Variants in ZNF184 observed in about 807,000 individuals in gnomAD.
ZNF184 encodes the protein zinc finger protein 184.
Under a neutral mutation model 54.4 loss-of-function variants are expected in ZNF184, and 16 were observed. That is an observed-to-expected ratio of 0.29 (90% confidence interval 0.20 to 0.45). ZNF184 has a LOEUF of 0.45. Ranked by LOEUF, ZNF184 falls within the 20% of genes least tolerant of loss-of-function variation. ZNF184 has a pLI of 1.00. For missense variants in ZNF184, 681 were observed against 888.2 expected (o/e 0.77, Z 2.97); for synonymous variants, 254 against 295.3 (o/e 0.86, Z 1.43).
the ZNF184 span, among the ~76,000 whole-genome samples, chr6:27,438,100 A>T: frequency 1.3e-5 from 2 of 152,146 alleles, no homozygotes; most frequent in African/African-American, 4.8e-5. Flanking sequence ...CTTTGCTTGA[A>T]TAGTTTCATC....
At chr6:27,409,175 G>C in the ZNF184 span, among the ~76,000 whole-genome samples, 6 of 152,166 alleles carry the variant, frequency 3.9e-5, no homozygotes, top group African/African-American at 1.4e-4. Context: ...AAGATAGATA[G>C]AGACTTATTT....
In ZNF184 at chr6:27,456,995, T is replaced by C. The variant is rs1025587834; in HGVS notation, c.203-74A>G. 1.0e-5 allele frequency: 14 copies of C among 1,366,436 alleles called. No homozygotes were observed. In the East Asian group the frequency reaches 1.8e-4, roughly 18 times the overall value. 84.6% of individuals were successfully genotyped at this position (1,366,436 alleles called of 1,614,324 possible). ...CCATATCAGAATTCAATCACCACTTTGTCTTTAGAAGAAATGATATGTAGT... is the reference window on the plus strand; with the variant it reads ...CCATATCAGAATTCAATCACCACTTCGTCTTTAGAAGAAATGATATGTAGT... On this transcript the variant is annotated intron_variant, in intron 4 of 5. Coordinates refer to ENST00000683788, the MANE Select transcript of ZNF184 (RefSeq NM_001318891.2).
At chr6:27,404,184 G>T in the ZNF184 span, 6 of 152,112 alleles carry the variant, frequency 3.9e-5, no homozygotes, top group African/African-American at 1.2e-4. Context: ...TACAAACTGA[G>T]CATTCTGGCA....
the ZNF184 span, among the ~76,000 whole-genome samples, chr6:27,413,239 A>G: frequency 1.3e-5 from 2 of 152,264 alleles, no homozygotes; most frequent in Admixed American, 1.3e-4. Context: ...AGCCTGGGCA[A>G]CAAGAGTGAA....
chr6:27,422,055 C>T, the ZNF184 span, among the ~76,000 whole-genome samples: 1 of 150,546 alleles, frequency 6.6e-6, no homozygotes, highest in Non-Finnish European at 1.5e-5. Context: ...GTGGGAGGAT[C>T]GCTTGAGCCT....
At chr6:27,427,335 C>T in the ZNF184 span, among the ~76,000 whole-genome samples, 1 of 152,088 alleles carries the variant, frequency 6.6e-6, no homozygotes, top group Non-Finnish European at 1.5e-5. Flanking sequence ...CTTAACTTTT[C>T]TGAGAACTGC....
At chr6:27,411,765 C>T in the ZNF184 span, among the ~76,000 whole-genome samples, 1 of 152,224 alleles carries the variant, frequency 6.6e-6, no homozygotes, top group African/African-American at 2.4e-5. Flanking sequence ...AAAATAATCT[C>T]CTGTTTTACA....
At chr6:27,466,083 G>A (rs184875291) in intron 3 of ZNF184, among the ~76,000 whole-genome samples, 1 of 152,212 alleles carries the variant, frequency 6.6e-6, no homozygotes, top group East Asian at 1.9e-4. Flanking sequence ...CTTTATAAGA[G>A]GGAGGTAAGC....
intron 3 of ZNF184, among the ~76,000 whole-genome samples, chr6:27,458,055 T>A (rs7761989): frequency 0.6 from 90,955 of 150,746 alleles, 27,489 homozygotes; most frequent in Middle Eastern, 0.76. Context: ...GAAAAAAAAA[T>A]TAAGGTGAGA....
chr6:27,472,395 C>G lies in ZNF184; in HGVS notation c.-101G>C. 6.6e-7 allele frequency: 1 copy of G among 1,504,140 alleles called. No homozygotes were observed. Among genetic ancestry groups the G allele is most frequent in the South Asian group, 1.2e-5 (1 of 86,374 alleles). 93.2% of individuals were successfully genotyped at this position (1,504,140 alleles called of 1,614,324 possible). A position where few individuals can be genotyped will look rare whatever the true frequency, so the allele number is the denominator to read the frequency against. On this transcript the variant is annotated 5_prime_UTR_variant, in exon 2 of 6. Coordinates refer to ENST00000683788, the MANE Select transcript of ZNF184 (RefSeq NM_001318891.2). The surrounding 1 kb of genome is among the most constrained non-coding windows in gnomAD (Gnocchi z 4.8). The stretch of plus-strand genomic sequence containing the variant: ...GGTCTAGGACTCAGATGTCTAACTC[C>G]CCTTGCAGGGAATCTGCAACACGCT...
At chr6:27,409,456 A>G in the ZNF184 span, among the ~76,000 whole-genome samples, 12,918 of 143,856 alleles carry the variant, frequency 0.09, 716 homozygotes, top group African/African-American at 0.15. Context: ...CCGAGATCGC[A>G]CCACTGCACT....
chr6:27,426,578 C>G, the ZNF184 span, among the ~76,000 whole-genome samples: 2 of 152,196 alleles, frequency 1.3e-5, no homozygotes, highest in Non-Finnish European at 2.9e-5. The surrounding 1 kb of genome is among the most constrained non-coding windows in gnomAD (Gnocchi z 4.2). Flanking sequence ...CCCTCAAACT[C>G]TACAATTTTC....
At chr6:27,415,475 G>T in the ZNF184 span, among the ~76,000 whole-genome samples, 1 of 152,160 alleles carries the variant, frequency 6.6e-6, no homozygotes. Context: ...AGTGTTCTAA[G>T]GACATGAGTT....
intron 5 of ZNF184, among the ~76,000 whole-genome samples, chr6:27,456,175 T>A (rs1480198163): frequency 6.6e-6 from 1 of 151,580 alleles, no homozygotes. Flanking sequence ...GGAGGATTAC[T>A]CAAGCCTGGG....
At chr6:27,428,297 C>G in the ZNF184 span, among the ~76,000 whole-genome samples, 1 of 152,194 alleles carries the variant, frequency 6.6e-6, no homozygotes, top group East Asian at 1.9e-4. This position sits in a 1 kb window ranked among gnomAD's most constrained non-coding sequence, Gnocchi z 4.1. Flanking sequence ...TCTCTTTACT[C>G]TCTTCTGGAA....
At chr6:27,435,238 C>A in the ZNF184 span, among the ~76,000 whole-genome samples, 1 of 152,084 alleles carries the variant, frequency 6.6e-6, no homozygotes, top group Non-Finnish European at 1.5e-5. Context: ...TTGGTTGCTT[C>A]GGATGACGTT....
At position 27,472,833 on chromosome 6, in the gene ZNF184, G is replaced by C. The variant is rs1305281070; in HGVS notation, c.-244C>G. ...AGAACAAAGCCCTCCAAGGGATCAG[G>C]GCGGGACCGCCCCGCACAGAAGGAG... On this transcript the variant is annotated 5_prime_UTR_variant, in exon 1 of 6. Coordinates refer to ENST00000683788, the MANE Select transcript of ZNF184 (RefSeq NM_001318891.2). The surrounding 1 kb of genome is among the most constrained non-coding windows in gnomAD (Gnocchi z 4.8). 1 of 152,860 alleles carries C rather than the reference G, an allele frequency of 6.5e-6. No homozygotes were observed. Among genetic ancestry groups the C allele is most frequent in the Non-Finnish European group, 1.5e-5 (1 of 68,450 alleles). The allele number at this position is 152,860 out of a possible 1,614,324, so 9.5% of individuals were successfully genotyped here. A position where few individuals can be genotyped will look rare whatever the true frequency, so the allele number is the denominator to read the frequency against.
At chr6:27,460,552 T>C (rs1762970047) in intron 3 of ZNF184, among the ~76,000 whole-genome samples, 1 of 152,202 alleles carries the variant, frequency 6.6e-6, no homozygotes, top group African/African-American at 2.4e-5. Context: ...CTGTCCAGAC[T>C]GCAGAGCAGG....
At chr6:27,448,792 G>A (rs1322127526), downstream of ZNF184, among the ~76,000 whole-genome samples, 1 of 151,174 alleles carries the variant, frequency 6.6e-6, no homozygotes, top group Non-Finnish European at 1.5e-5. Context: ...TATCAAGCAT[G>A]TGAACCCAAG....
Sources: allele counts gnomAD v4.1 joint callset (sites outside exome capture counted in the v4.1 genomes callset), GRCh38; gene constraint gnomAD v4.1.1; non-coding constraint Gnocchi (gnomAD v3.1); transcripts MANE v1.5; gene names NCBI Gene and HGNC (gene_info 2026-07-23, HGNC 2026-07-21).